The following RO60 variants were observed in gnomAD, a reference collection of about 807,000 sequenced individuals.
RO60 encodes the protein Ro60, Y RNA binding protein, also known as RNA-binding protein RO60.
In RO60, 20 loss-of-function variants were observed where a neutral mutation model predicts 55.3. The observed-to-expected ratio is 0.36, with a 90% CI of 0.25 to 0.53. The LOEUF (loss-of-function observed/expected upper bound fraction) is 0.53. Ranked by LOEUF, RO60 falls within the 20% of genes least tolerant of loss-of-function variation. The pLI, the probability that RO60 is intolerant of heterozygous loss-of-function variation, is 0.92. For missense variants in RO60, 558 were observed against 646.6 expected, an observed-to-expected ratio of 0.86 and a Z score of 1.49; for synonymous variants, 213 against 213.6, an observed-to-expected ratio of 1.00 and a Z score of 0.02.
rs763677683 is a variant in RO60 at position 193,082,747 on chromosome 1, A to G, written c.1464+39A>G. 8.1e-6 allele frequency: 12 copies of G among 1,488,488 alleles called. 1 individual carries two copies. In the Middle Eastern group the frequency reaches 5.6e-4, roughly 69 times the overall value. 92.2% of individuals were successfully genotyped at this position (1,488,488 alleles called of 1,614,324 possible). On this transcript the variant is annotated intron_variant, in intron 8 of 8. Transcript: ENST00000400968. ...TAATACGGTTCCTCACCCAAATAAT[A>G]TTATTTTAATACTTGATTTTTTTTT... is the stretch of plus-strand genomic sequence containing the variant.
intron 1 of RO60, among the ~76,000 whole-genome samples, chr1:193,066,264 T>G (rs919541724): frequency 6.6e-6 from 1 of 152,228 alleles, no homozygotes; most frequent in Non-Finnish European, 1.5e-5. Context: ...AATCTTTCAA[T>G]GTTAGCATCT....
In RO60 at chr1:193,084,612, G is replaced by T; in HGVS notation, c.1498G>T (p.Gly500Ter). 1 of 1,613,352 alleles carries T rather than the reference G, an allele frequency of 6.2e-7. No homozygotes were observed. Among genetic ancestry groups the T allele is most frequent in the Non-Finnish European group, 8.5e-7 (1 of 1,179,696 alleles). The change falls in exon 9 of 9, where the codon GGA becomes TGA. Residue 500 changes from glycine (G) to a stop codon, truncating the protein, a stop_gained. Coordinates refer to ENST00000400968, the MANE Select transcript of RO60 (RefSeq NM_001173524.2). LOFTEE classifies it high-confidence loss of function. ...TATTCCAGCTAAATTGATTGTTTGTGGAATGACATCAAATGGTTTCACCAT... is the reference window on the plus strand; with the variant it reads ...TATTCCAGCTAAATTGATTGTTTGTTGAATGACATCAAATGGTTTCACCAT... ...MDIPAKLIVC[G>*]MTSNGFTIAD...
intron 1 of RO60, among the ~76,000 whole-genome samples, chr1:193,066,748 T>C (rs2103026217): frequency 6.6e-6 from 1 of 152,348 alleles, no homozygotes; most frequent in Non-Finnish European, 1.5e-5. Context: ...AGAACAAAAC[T>C]TCTTTTATCT....
At chr1:193,084,400 T>G (rs1383922723) in intron 8 of RO60, among the ~76,000 whole-genome samples, 179 bp from the exon 9 acceptor site, 1 of 152,194 alleles carries the variant, frequency 6.6e-6, no homozygotes, top group Non-Finnish European at 1.5e-5. Flanking sequence ...CTTATACAAT[T>G]TTATTGTCCC....
chr1:193,082,409 GT>G, intron 7 of RO60, 110 bp downstream of exon 7: 1 of 1,338,316 alleles, frequency 7.5e-7, no homozygotes, highest in African/African-American at 1.5e-5. Flanking sequence ...AATTTTTTTT[GT>G]CTTAATTTTT....
At chr1:193,070,215 G>C (rs1673392026) in intron 2 of RO60, among the ~76,000 whole-genome samples, 1 of 150,722 alleles carries the variant, frequency 6.6e-6, no homozygotes, top group Non-Finnish European at 1.5e-5. Flanking sequence ...TGGCCATGCT[G>C]TACCCACTGC....
intron 3 of RO60, 87 bp downstream of exon 3, chr1:193,076,127 T>C (rs1453398261): frequency 1.3e-6 from 1 of 776,980 alleles, no homozygotes; most frequent in African/African-American, 1.8e-5. Context: ...TAGCTATATA[T>C]TTATACTTTT....
intron 1 of RO60, chr1:193,060,009 G>A (rs765558120): frequency 3.7e-6 from 5 of 1,360,812 alleles, no homozygotes; most frequent in Non-Finnish European, 4.9e-6. Context: ...TCCTCAGGGT[G>A]GGCCCTTTCC....
rs1674816904 is a variant in RO60, at chr1:193,090,499, A to G, written c.*5768A>G. 6.6e-6 allele frequency: 1 copy of G among 151,666 alleles called. No homozygotes were observed. The highest frequency in any genetic ancestry group is 1.5e-5 in the Non-Finnish European group (1 of 67,912). The allele number at this position is 151,666 out of a possible 1,614,324, so 9.4% of individuals were successfully genotyped here. On this transcript the variant is annotated 3_prime_UTR_variant, in exon 9 of 9. Coordinates refer to ENST00000400968, the MANE Select transcript of RO60 (RefSeq NM_001173524.2). ...AACTTCTGTAATGTATTTCAGTTAT[A>G]TGTTTTTCCTTTTATTGCCAGCTTC...
At chr1:193,064,494 G>T (rs781545199) in intron 1 of RO60, among the ~76,000 whole-genome samples, 56 of 152,182 alleles carry the variant, frequency 3.7e-4, no homozygotes, top group Admixed American at 5.9e-4. Context: ...GCCGAATTTT[G>T]AGTTTATGTG....
In RO60 at chr1:193,082,722, T is replaced by A. The variant is rs1674397987; in HGVS notation, c.1464+14T>A. 1 of 1,591,968 alleles carries A rather than the reference T, an allele frequency of 6.3e-7. No homozygotes were observed. Among genetic ancestry groups the A allele is most frequent in the Non-Finnish European group, 8.5e-7 (1 of 1,169,676 alleles). ...GAGTATCGAAAGGTAAAACAAATTC[T>A]AATACGGTTCCTCACCCAAATAATA... On this transcript the variant is annotated intron_variant, in intron 8 of 8. Transcript: ENST00000400968.
chr1:193,070,424 C>T (rs202193818), intron 2 of RO60: 28 of 310,812 alleles, frequency 9.0e-5, no homozygotes, highest in East Asian at 6.6e-4. Flanking sequence ...TAGTTGGCTC[C>T]GTAATAATTA....
chr1:193,063,861 C>G (rs1672941808), intron 1 of RO60, among the ~76,000 whole-genome samples: 1 of 152,240 alleles, frequency 6.6e-6, no homozygotes, highest in South Asian at 2.1e-4. Context: ...ACTCACATAA[C>G]TCACTGAAAG....
Position 193,081,272 on chromosome 1 carries a change from T to C in RO60, c.1087-92T>C, listed in dbSNP as rs115547532. 1.6e-3 allele frequency: 1,111 copies of C among 675,808 alleles called. 8 individuals are homozygous for C. Among genetic ancestry groups the C allele is most frequent in the African/African-American group, 9.7e-3 (542 of 56,072 alleles). 41.9% of individuals were successfully genotyped at this position (675,808 alleles called of 1,614,324 possible). A position where few individuals can be genotyped will look rare whatever the true frequency, so the allele number is the denominator to read the frequency against. ...AAAATCTGAAGGCCTTTTATCAGTC[T>C]TTTTAATGTAAGATAAGTAAATATG... is the stretch of plus-strand genomic sequence containing the variant. On this transcript the variant is annotated intron_variant, in intron 5 of 8. Coordinates refer to ENST00000400968, the MANE Select transcript of RO60 (RefSeq NM_001173524.2).
At chr1:193,078,000 A>G (rs919562779) in intron 5 of RO60, among the ~76,000 whole-genome samples, 3 of 152,240 alleles carry the variant, frequency 2.0e-5, no homozygotes, top group African/African-American at 4.8e-5. Context: ...ACATCTTGCT[A>G]TATAACAAAA....
chr1:193,075,418 G>A (rs1026396844), intron 2 of RO60, among the ~76,000 whole-genome samples: 7 of 149,932 alleles, frequency 4.7e-5, no homozygotes, highest in Admixed American at 4.0e-4. Context: ...ACAGCAAAAA[G>A]AGACAAGTGA....
In RO60 at chr1:193,085,782, G is replaced by A. The variant is rs965216928; in HGVS notation, c.*1051G>A. On this transcript the variant is annotated 3_prime_UTR_variant, in exon 9 of 9. Coordinates refer to ENST00000400968, the MANE Select transcript of RO60 (RefSeq NM_001173524.2). Reference sequence around the variant, plus strand: ...TGGCAAAATATTCTTCTTTGATAGTGTAAACAAATAATAAAGCAATCTAGG... The same window carrying A: ...TGGCAAAATATTCTTCTTTGATAGTATAAACAAATAATAAAGCAATCTAGG... 3.0e-6 allele frequency: 3 copies of A among 984,980 alleles called. No homozygotes were observed. The highest frequency in any genetic ancestry group is 3.6e-6 in the Non-Finnish European group (3 of 829,650). The allele number at this position is 984,980 out of a possible 1,614,324, so 61.0% of individuals were successfully genotyped here.
chr1:193,060,247 A>G (rs1672453001), intron 1 of RO60: 1 of 485,134 alleles, frequency 2.1e-6, no homozygotes, highest in African/African-American at 2.0e-5. Context: ...CTGCTAGACT[A>G]GTGGAAGGGG....
chr1:193,079,220 T>G (rs1474414001), intron 5 of RO60, among the ~76,000 whole-genome samples: 1 of 151,692 alleles, frequency 6.6e-6, no homozygotes, highest in African/African-American at 2.4e-5. Flanking sequence ...CCCAAGTAGC[T>G]GGGATTACAG....
Sources: gnomAD v4.1 joint callset for allele counts (sites outside exome capture counted in the v4.1 genomes callset) on GRCh38, gnomAD v4.1.1 for gene constraint, MANE v1.5 for transcripts, NCBI Gene and HGNC (gene_info 2026-07-23, HGNC 2026-07-21) for gene names.